The following MYO3B variants were observed in gnomAD, a reference collection of about 807,000 sequenced individuals.
MYO3B encodes myosin-IIIb.
A neutral mutation model predicts 174.6 loss-of-function variants in MYO3B; 156 were observed. The ratio of observed to expected loss-of-function variants is 0.89; its 90% CI spans 0.78 to 1.02. The LOEUF is 1.02. MYO3B is among the 50% of genes least tolerant of loss of function. MYO3B has a pLI of 0.00. For missense variants in MYO3B, 1,632 were observed against 1,639.4 expected (o/e 1.00, Z 0.08); for synonymous variants, 563 against 569.1 (o/e 0.99, Z 0.15).
chr2:170,402,693 T>C (rs1173145298), intron 18 of MYO3B, among the ~76,000 whole-genome samples, 155 bp from the exon 19 acceptor site: 1 of 151,900 alleles, frequency 6.6e-6, no homozygotes, highest in African/African-American at 2.4e-5. Context: ...GTTTGAGACA[T>C]AAACTGCTTC....
At chr2:170,541,490 C>T (rs942239387) in intron 30 of MYO3B, among the ~76,000 whole-genome samples, 1 of 152,140 alleles carries the variant, frequency 6.6e-6, no homozygotes, top group Non-Finnish European at 1.5e-5. Flanking sequence ...CCTCTCTGAA[C>T]CTCTTTGTTT....
At chr2:170,554,719 T>G (rs189031226) in intron 32 of MYO3B, among the ~76,000 whole-genome samples, 10 of 152,352 alleles carry the variant, frequency 6.6e-5, no homozygotes, top group African/African-American at 2.2e-4. Flanking sequence ...TAGGTCATGA[T>G]GCACTTTTTG....
intron 8 of MYO3B, among the ~76,000 whole-genome samples, chr2:170,368,613 C>T (rs1346035658): frequency 6.6e-6 from 1 of 152,184 alleles, no homozygotes; most frequent in East Asian, 1.9e-4. Context: ...CTTTTTGTTC[C>T]CTGTTTGTAT....
chr2:170,300,070 AC>A (rs1414753375), intron 7 of MYO3B, among the ~76,000 whole-genome samples: 1 of 152,140 alleles, frequency 6.6e-6, no homozygotes, highest in Non-Finnish European at 1.5e-5. Flanking sequence ...TGATCCTCAC[AC>A]CCGCTCTGAG....
intron 25 of MYO3B, among the ~76,000 whole-genome samples, chr2:170,473,288 A>G (rs982153533): frequency 6.6e-6 from 1 of 150,998 alleles, no homozygotes; most frequent in Admixed American, 6.6e-5. Context: ...GACTACAGGC[A>G]CCTACCACCA....
At chr2:170,554,707 G>C (rs892185686) in intron 32 of MYO3B, among the ~76,000 whole-genome samples, 3 of 152,144 alleles carry the variant, frequency 2.0e-5, no homozygotes, top group African/African-American at 7.2e-5. Context: ...TCCTGAGTTC[G>C]TTAGGTCATG....
chr2:170,650,019 C>CTTTTTTTTTTT (rs1017785949), intron 32 of MYO3B: 1 of 65,606 alleles, frequency 1.5e-5, no homozygotes, highest in African/African-American at 6.5e-5. Flanking sequence ...ATGTGATAGT[C>CTTTTTTTTTTT]TTTTTTTTTT....
chr2:170,514,843 A>G (rs1688205486), intron 28 of MYO3B, 78 bp from the exon 29 acceptor site: 12 of 1,312,638 alleles, frequency 9.1e-6, no homozygotes, highest in Non-Finnish European at 1.2e-5. Context: ...TTCCTGGCCA[A>G]CTTGTATCAC....
chr2:170,468,721 T>C (rs1016706953), intron 25 of MYO3B, among the ~76,000 whole-genome samples: 1 of 152,178 alleles, frequency 6.6e-6, no homozygotes, highest in African/African-American at 2.4e-5. Context: ...GGAGCCACAC[T>C]GTTGAGGGAC....
At chr2:170,250,225 G>T (rs1178133392) in intron 7 of MYO3B, among the ~76,000 whole-genome samples, 2 of 152,142 alleles carry the variant, frequency 1.3e-5, no homozygotes, top group African/African-American at 4.8e-5. Flanking sequence ...TATTTTGGGG[G>T]TACTGTTAAA....
At chr2:170,498,034 C>T (rs1003018342) in intron 25 of MYO3B, among the ~76,000 whole-genome samples, 1 of 150,452 alleles carries the variant, frequency 6.6e-6, no homozygotes, top group Non-Finnish European at 1.5e-5. Flanking sequence ...TTTAGAAGTT[C>T]ACTAAAATGA....
At chr2:170,440,521 A>T (rs1055984955) in intron 22 of MYO3B, among the ~76,000 whole-genome samples, 22 of 152,072 alleles carry the variant, frequency 1.4e-4, no homozygotes, top group African/African-American at 4.8e-4. Flanking sequence ...TTCCTATTAT[A>T]TTTTGATGCT....
At chr2:170,528,445 C>T (rs962708501) in intron 30 of MYO3B, among the ~76,000 whole-genome samples, 4 of 152,126 alleles carry the variant, frequency 2.6e-5, no homozygotes, top group East Asian at 1.9e-4. Flanking sequence ...TTCGCTCTAT[C>T]GCCAGACCGG....
At chr2:170,571,646 C>CT (rs1692446632) in intron 32 of MYO3B, among the ~76,000 whole-genome samples, 1 of 152,116 alleles carries the variant, frequency 6.6e-6, no homozygotes, top group African/African-American at 2.4e-5. Flanking sequence ...AGCAGAGAGG[C>CT]TGTCACTGTG....
chr2:170,519,665 G>A (rs1448303965), intron 30 of MYO3B, 125 bp downstream of exon 30: 11 of 844,832 alleles, frequency 1.3e-5, no homozygotes, highest in Middle Eastern at 4.6e-4. Context: ...GAACTGGAGA[G>A]AGTGGAACCA....
Position 170,329,656 on chromosome 2 carries a change from A to G in MYO3B, c.750-5729A>G, listed in dbSNP as rs1347667513. ...TGATCTGCCTGCCTTGGCCTCCCAAAGTGCTGGGATTACAGGGGTGAGCCA... is the reference window on the plus strand; with the variant it reads ...TGATCTGCCTGCCTTGGCCTCCCAAGGTGCTGGGATTACAGGGGTGAGCCA... On this transcript the variant is annotated intron_variant, in intron 7 of 34. Coordinates refer to ENST00000408978, the MANE Select transcript of MYO3B (RefSeq NM_138995.5). Among the ~76,000 whole-genome samples, 3 of 151,980 alleles carry G rather than the reference A, an allele frequency of 2.0e-5. No individual in the cohort carries two copies. In the East Asian group the frequency reaches 5.8e-4, roughly 29 times the overall value.
chr2:170,320,004 C>G (rs545555049), intron 7 of MYO3B, among the ~76,000 whole-genome samples: 1 of 152,082 alleles, frequency 6.6e-6, no homozygotes, highest in African/African-American at 2.4e-5. Flanking sequence ...CTAGCCAACC[C>G]GCCTTACAAG....
At position 170,426,662 on chromosome 2, in the gene MYO3B, G is replaced by A. The variant is rs1013327017; in HGVS notation, c.2651-17305G>A. On this transcript the variant is annotated intron_variant, in intron 22 of 34. Coordinates refer to ENST00000408978, the MANE Select transcript of MYO3B (RefSeq NM_138995.5). ...TGTCTATGTGAAGGATAAGCAAAGG[G>A]CACTTGGCAAGTCTTACGCAGTAGC... is the stretch of plus-strand genomic sequence containing the variant. Among the ~76,000 whole-genome samples the A allele has an allele frequency of 2.6e-5, 4 of 152,038 alleles. No individual in the cohort carries two copies. The East Asian group carries it at 5.8e-4, about 22-fold the overall frequency.
chr2:170,385,406 C>G (rs1300887146), intron 12 of MYO3B, among the ~76,000 whole-genome samples: 1 of 152,108 alleles, frequency 6.6e-6, no homozygotes, highest in Non-Finnish European at 1.5e-5. Context: ...TTGAAAGGGG[C>G]TCCTTGTGAA....
Sources: gnomAD v4.1 joint callset for allele counts (sites outside exome capture counted in the v4.1 genomes callset) on GRCh38, gnomAD v4.1.1 for gene constraint, MANE v1.5 for transcripts, NCBI Gene and HGNC (gene_info 2026-07-23, HGNC 2026-07-21) for gene names.